The following KAZN variants were observed in gnomAD, a reference collection of about 807,000 sequenced individuals.
KAZN encodes the protein kazrin, periplakin interacting protein.
A neutral mutation model predicts 87.4 loss-of-function variants in KAZN; 40 were observed. The observed-to-expected ratio is 0.46, with a 90% CI of 0.36 to 0.60. The LOEUF is 0.60. Ranked by LOEUF, KAZN falls within the 20% of genes least tolerant of loss-of-function variation. The pLI, the probability that KAZN is intolerant of heterozygous loss-of-function variation, is 0.00. For synonymous variants in KAZN, 466 were observed against 458.3 expected, an observed-to-expected ratio of 1.02 and a Z score of -0.22; for missense variants, 898 against 1,073.9, an observed-to-expected ratio of 0.84 and a Z score of 2.29.
chr1:14,407,290 A>G (rs1239522990), intron 2 of KAZN, among the ~76,000 whole-genome samples: 1 of 152,192 alleles, frequency 6.6e-6, no homozygotes, highest in East Asian at 1.9e-4. Context: ...AGGATAGACA[A>G]GTATTTAATT....
intron 2 of KAZN, among the ~76,000 whole-genome samples, chr1:14,973,476 T>C (rs536235648): frequency 1.3e-5 from 2 of 152,308 alleles, no homozygotes; most frequent in Admixed American, 6.5e-5. Context: ...CCCTGTACCC[T>C]TTCCCCACTG....
chr1:14,419,446 C>A (rs1488595989), intron 2 of KAZN, among the ~76,000 whole-genome samples: 1 of 152,188 alleles, frequency 6.6e-6, no homozygotes, highest in Admixed American at 6.5e-5. Flanking sequence ...AAAGCCTGTG[C>A]TCTGTCCAAG....
intron 2 of KAZN, among the ~76,000 whole-genome samples, chr1:14,268,804 A>G (rs1651698576): frequency 6.6e-6 from 1 of 152,226 alleles, no homozygotes; most frequent in Admixed American, 6.5e-5. Flanking sequence ...GGTGTTGCAA[A>G]TCACAGCATT....
chr1:14,091,244 G>A (rs370074628), intron 1 of KAZN, among the ~76,000 whole-genome samples: 15 of 151,316 alleles, frequency 9.9e-5, no homozygotes, highest in South Asian at 4.2e-4. Context: ...TCTTTTCTCC[G>A]CTCAGTGAGA....
In KAZN at chr1:14,883,318, A is replaced by AAGAGAGAGAGAGAG. The variant is rs1219653139; in HGVS notation, c.227-77354_227-77341dup. On this transcript the variant is annotated intron_variant, in intron 1 of 14. Coordinates refer to ENST00000376030, the MANE Select transcript of KAZN (RefSeq NM_201628.3). ...CTCAAAAGAAAGAAAGAAAGAAAGA[A>AAGAGAGAGAGAGAG]AGAGAGAGAGAGAGAGAGAGAGAGA... Among the ~76,000 whole-genome samples, 174 of 38,590 alleles carry AAGAGAGAGAGAGAG rather than the reference A, an allele frequency of 4.5e-3. 19 individuals are homozygous for AAGAGAGAGAGAGAG. The highest frequency in any genetic ancestry group is 7.3e-3 in the Non-Finnish European group (135 of 18,506). The allele number at this position is 38,590 out of a possible 152,430, so 25.3% of individuals were successfully genotyped here.
chr1:14,177,636 T>C lies in KAZN; in HGVS notation c.92-2799T>C, dbSNP rs76879641. Among the ~76,000 whole-genome samples the C allele has an allele frequency of 7.2e-3, 1,094 of 152,278 alleles. 18 individuals carry two copies. The highest frequency in any genetic ancestry group is 0.025 in the African/African-American group (1,038 of 41,556). On this transcript the variant is annotated intron_variant, in intron 1 of 16. Transcript: ENST00000636203. ...TAGATTCCGATGAGAAGGCTGACAT[T>C]GTTTTTTGGTCTCTAAATGTAACAT...
intron 1 of KAZN, among the ~76,000 whole-genome samples, chr1:14,741,143 C>T (rs528029177): frequency 3.3e-5 from 5 of 152,346 alleles, no homozygotes; most frequent in African/African-American, 1.2e-4. Context: ...TTTATTTGCT[C>T]TGCATCCGAG....
chr1:14,484,404 A>G (rs1669241635), intron 2 of KAZN, among the ~76,000 whole-genome samples: 1 of 152,260 alleles, frequency 6.6e-6, no homozygotes, highest in African/African-American at 2.4e-5. Context: ...ATTTCAATTT[A>G]GCCAGTCCAC....
rs1027520606 is a variant in KAZN at position 14,599,330 on chromosome 1, G to C, written c.226+107G>C. ...CCCACACCCGGGGCGAAATCGCTTT[G>C]CATTCTGGCTTGTAACCCTTTCCGC... is the stretch of plus-strand genomic sequence containing the variant. On this transcript the variant is annotated intron_variant, in intron 1 of 14. Transcript: ENST00000376030. This position sits in a 1 kb window ranked among gnomAD's most constrained non-coding sequence, Gnocchi z 4.4. 12 of 1,168,222 alleles carry C rather than the reference G, an allele frequency of 1.0e-5. No homozygotes were observed. The highest frequency in any genetic ancestry group is 1.2e-5 in the Non-Finnish European group (11 of 926,308). 72.4% of individuals were successfully genotyped at this position (1,168,222 alleles called of 1,614,324 possible).
intron 1 of KAZN, among the ~76,000 whole-genome samples, chr1:14,864,939 G>A (rs1034420454): frequency 6.6e-6 from 1 of 152,150 alleles, no homozygotes; most frequent in East Asian, 1.9e-4. Context: ...CAGACCAGCA[G>A]CCCCTGCCAG....
intron 2 of KAZN, among the ~76,000 whole-genome samples, chr1:14,533,973 G>A (rs989300191): frequency 1.3e-5 from 2 of 152,110 alleles, no homozygotes; most frequent in African/African-American, 2.4e-5. Flanking sequence ...ATAAAGATAG[G>A]CACTCATAAA....
intron 1 of KAZN, among the ~76,000 whole-genome samples, chr1:14,638,592 A>C (rs1465341791): frequency 3.7e-5 from 5 of 136,792 alleles, no homozygotes; most frequent in Non-Finnish European, 7.8e-5. Context: ...AAAAAAAAAA[A>C]CAAAAAGGGT....
chr1:14,095,525 C>T (rs1644107392), intron 1 of KAZN, among the ~76,000 whole-genome samples: 1 of 152,154 alleles, frequency 6.6e-6, no homozygotes, highest in Non-Finnish European at 1.5e-5. Flanking sequence ...CTCTACTCCA[C>T]AATGTCTGGG....
rs753314067 is a variant in KAZN, at chr1:14,950,962, A to G, written c.227-9722A>G. 1.6e-4 allele frequency among the ~76,000 whole-genome samples: 25 copies of G among 152,146 alleles called. 1 individual carries two copies. Among genetic ancestry groups the G allele is most frequent in the African/African-American group, 6.0e-4 (25 of 41,414 alleles). ...GGGAATAACTCAGTGGTTACAAGCA[A>G]CAGCAAACTTCCTATGTTTAACTGC... On this transcript the variant is annotated intron_variant, in intron 1 of 14. Coordinates refer to ENST00000376030, the MANE Select transcript of KAZN (RefSeq NM_201628.3).
chr1:14,375,360 T>C (rs1041274221), intron 2 of KAZN, among the ~76,000 whole-genome samples: 4 of 152,006 alleles, frequency 2.6e-5, no homozygotes, highest in African/African-American at 7.3e-5. Flanking sequence ...CAGACAGCCT[T>C]CTCCCAGCAC....
intron 2 of KAZN, among the ~76,000 whole-genome samples, chr1:14,463,248 A>T (rs1040131881): frequency 2.0e-5 from 3 of 152,042 alleles, no homozygotes; most frequent in Admixed American, 2.0e-4. Flanking sequence ...TGCTGGTGGG[A>T]GCGTCTTATG....
intron 2 of KAZN, among the ~76,000 whole-genome samples, chr1:14,982,097 C>G (rs962397214): frequency 6.1e-4 from 93 of 152,220 alleles, no homozygotes; most frequent in African/African-American, 2.1e-3. Context: ...CACAGCAGAC[C>G]GGTGAGATGG....
At chr1:14,439,717 A>G (rs1365445006) in intron 2 of KAZN, among the ~76,000 whole-genome samples, 2 of 152,192 alleles carry the variant, frequency 1.3e-5, no homozygotes, top group Admixed American at 6.5e-5. Flanking sequence ...TGGCCGCCAT[A>G]TTGGACAGTG....
intron 1 of KAZN, among the ~76,000 whole-genome samples, chr1:14,097,403 G>A (rs1212390036): frequency 6.6e-6 from 1 of 152,204 alleles, no homozygotes; most frequent in African/African-American, 2.4e-5. Context: ...CCCACTCCCT[G>A]CTTGCCTGGA....
Sources: gnomAD v4.1 joint callset for allele counts (sites outside exome capture counted in the v4.1 genomes callset) on GRCh38, gnomAD v4.1.1 for gene constraint, Gnocchi (gnomAD v3.1) non-coding constraint, MANE v1.5 for transcripts, NCBI Gene and HGNC (gene_info 2026-07-23, HGNC 2026-07-21) for gene names.